The following LMX1B variants were observed in gnomAD, a reference collection of about 807,000 sequenced individuals.
LMX1B encodes the protein LIM homeobox transcription factor 1-beta.
LMX1B carries 12 observed loss-of-function variants against 51.4 expected under a neutral mutation model. The observed-to-expected ratio is 0.23, with a 90% CI of 0.15 to 0.38. LMX1B has a LOEUF of 0.38. LMX1B is among the 10% of genes least tolerant of loss of function. LMX1B has a pLI of 1.00. For synonymous variants in LMX1B, 237 were observed against 235.4 expected, an observed-to-expected ratio of 1.01 and a Z score of -0.06; for missense variants, 445 against 571.1, an observed-to-expected ratio of 0.78 and a Z score of 2.25.
intron 7 of LMX1B, 22 bp downstream of exon 7, chr9:126,696,025 C>G (rs777876744): frequency 4.4e-6 from 6 of 1,355,242 alleles, no homozygotes; most frequent in Middle Eastern, 2.8e-4. Context: ...TACCCCCACC[C>G]GCCCGCCCCA....
rs190548117 is a variant in LMX1B, at chr9:126,660,676, A to G, written c.327-30160A>G. On this transcript the variant is annotated intron_variant, in intron 2 of 7. Transcript: ENST00000373474. ...TGGTAAACCCATAGAAGAGCTTGGA[A>G]TCCATGTGAGGGGGATTGCAAAGGC... Among the ~76,000 whole-genome samples, 10 of 152,280 alleles carry G rather than the reference A, an allele frequency of 6.6e-5. No homozygotes were observed. The East Asian group carries it at 1.9e-3, about 29-fold the overall frequency.
intron 2 of LMX1B, among the ~76,000 whole-genome samples, chr9:126,669,583 G>A (rs1836412503): frequency 6.6e-6 from 1 of 152,148 alleles, no homozygotes; most frequent in Admixed American, 6.5e-5. Context: ...TCACATTCAC[G>A]TGTGTGAGTG....
At chr9:126,653,284 A>C (rs1364455090) in intron 2 of LMX1B, among the ~76,000 whole-genome samples, 3 of 150,554 alleles carry the variant, frequency 2.0e-5, no homozygotes, top group African/African-American at 7.3e-5. Flanking sequence ...ACCCCCGATG[A>C]GCTGGGACTA....
chr9:126,668,978 A>G (rs1201062092), intron 2 of LMX1B, among the ~76,000 whole-genome samples: 1 of 152,230 alleles, frequency 6.6e-6, no homozygotes, highest in Non-Finnish European at 1.5e-5. Flanking sequence ...TGACTGGGTG[A>G]GGAAACTGAG....
chr9:126,678,335 A>AAAAAAAAAAAAAAAAAAC lies in LMX1B; in HGVS notation c.327-12495_327-12494insAAAAAAAAAAACAAAAAA, dbSNP rs1836610286. Among the ~76,000 whole-genome samples, 2 of 141,318 alleles carry AAAAAAAAAAAAAAAAAAC rather than the reference A, an allele frequency of 1.4e-5. 1 individual carries two copies. Among genetic ancestry groups the AAAAAAAAAAAAAAAAAAC allele is most frequent in the African/African-American group, 5.6e-5 (2 of 35,632 alleles). The allele number at this position is 141,318 out of a possible 152,430, so 92.7% of individuals were successfully genotyped here. A position where few individuals can be genotyped will look rare whatever the true frequency, so the allele number is the denominator to read the frequency against. ...AAAAAAAAAAAACAAAAAACAAAAA[A>AAAAAAAAAAAAAAAAAAC]AAAAAACAAAAAGACTGCGGAGAAG... is the stretch of plus-strand genomic sequence containing the variant. On this transcript the variant is annotated intron_variant, in intron 2 of 7. Transcript: ENST00000373474.
At chr9:126,690,437 T>C (rs1163686916) in intron 2 of LMX1B, among the ~76,000 whole-genome samples, 1 of 151,934 alleles carries the variant, frequency 6.6e-6, no homozygotes, top group African/African-American at 2.4e-5. Flanking sequence ...GATGTGTTGG[T>C]GAGGGAGGAT....
intron 2 of LMX1B, among the ~76,000 whole-genome samples, chr9:126,616,003 A>G (rs1030695521): frequency 3.3e-5 from 5 of 152,314 alleles, no homozygotes; most frequent in Non-Finnish European, 5.9e-5. Context: ...GCCAGGAGCC[A>G]GGAGGTGGAG....
chr9:126,664,956 C>G (rs1025989998), intron 2 of LMX1B, among the ~76,000 whole-genome samples: 1 of 152,244 alleles, frequency 6.6e-6, no homozygotes, highest in Non-Finnish European at 1.5e-5. Flanking sequence ...CTCAGTTTCT[C>G]TACCTACGAA....
At chr9:126,652,151 C>T (rs1027917878) in intron 2 of LMX1B, among the ~76,000 whole-genome samples, 1 of 152,130 alleles carries the variant, frequency 6.6e-6, no homozygotes, top group African/African-American at 2.4e-5. Context: ...GCAGCTCTCC[C>T]GATTGAAACC....
At chr9:126,621,177 G>A (rs1172736311) in intron 2 of LMX1B, among the ~76,000 whole-genome samples, 2 of 152,224 alleles carry the variant, frequency 1.3e-5, no homozygotes, top group Non-Finnish European at 2.9e-5. Context: ...TACTCTCACC[G>A]ACATGAGTTA....
chr9:126,655,663 A>T (rs1836103173), intron 2 of LMX1B, among the ~76,000 whole-genome samples: 1 of 152,244 alleles, frequency 6.6e-6, no homozygotes, highest in South Asian at 2.1e-4. Flanking sequence ...TGGGTGAATC[A>T]CTTTGCTAAG....
chr9:126,681,652 A>G (rs936579904), intron 2 of LMX1B, among the ~76,000 whole-genome samples: 3 of 151,982 alleles, frequency 2.0e-5, no homozygotes, highest in Non-Finnish European at 2.9e-5. Context: ...TGTAATTCCA[A>G]CACTTTGGGA....
intron 2 of LMX1B, among the ~76,000 whole-genome samples, chr9:126,631,971 A>C (rs370994844): frequency 1.3e-5 from 2 of 152,258 alleles, no homozygotes; most frequent in African/African-American, 4.8e-5. Flanking sequence ...ATTGGGTCTT[A>C]GCTAGAAAAG....
intron 2 of LMX1B, among the ~76,000 whole-genome samples, chr9:126,688,757 A>C (rs1174000204): frequency 2.0e-5 from 3 of 152,204 alleles, no homozygotes; most frequent in Admixed American, 2.0e-4. Context: ...CATGCCCTGC[A>C]GGCTGGTGGG....
Position 126,698,340 on chromosome 9 carries a change from C to T in LMX1B, c.*1889C>T, listed in dbSNP as rs1195692433. The T allele has an allele frequency of 6.6e-6, 1 of 152,438 alleles. No homozygotes were observed. Among genetic ancestry groups the T allele is most frequent in the African/African-American group, 2.4e-5 (1 of 41,484 alleles). 9.4% of individuals were successfully genotyped at this position (152,438 alleles called of 1,614,324 possible). The stretch of plus-strand genomic sequence containing the variant: ...CCAGTGAGGAGTTGGCCCTGGGTCT[C>T]ACCTGAGGTGTGTGGACCGGGCTGG... On this transcript the variant is annotated 3_prime_UTR_variant, in exon 8 of 8. Coordinates refer to ENST00000373474, the MANE Select transcript of LMX1B (RefSeq NM_001174147.2).
intron 2 of LMX1B, among the ~76,000 whole-genome samples, chr9:126,631,202 G>A (rs917527303): frequency 1.3e-5 from 2 of 152,254 alleles, no homozygotes; most frequent in Non-Finnish European, 2.9e-5. Flanking sequence ...GCCAGTCCCC[G>A]AGGTGCCATC....
rs1004457528 is a variant in LMX1B, at chr9:126,654,763, G to A, written c.327-36073G>A. On this transcript the variant is annotated intron_variant, in intron 2 of 7. Coordinates refer to ENST00000373474, the MANE Select transcript of LMX1B (RefSeq NM_001174147.2). The stretch of plus-strand genomic sequence containing the variant: ...CTGAGCATGCCACGGAGAGCCAGGT[G>A]GGCCCATGAGAAGAGGAGAGGGTAG... 2.0e-5 allele frequency among the ~76,000 whole-genome samples: 3 copies of A among 152,192 alleles called. No individual in the cohort carries two copies. In the South Asian group the frequency reaches 6.2e-4, roughly 31 times the overall value.
chr9:126,630,264 G>A (rs563788215), intron 2 of LMX1B, among the ~76,000 whole-genome samples: 1 of 152,062 alleles, frequency 6.6e-6, no homozygotes, highest in Admixed American at 6.5e-5. Context: ...CACAGCCAGT[G>A]GGGGGCTATG....
intron 2 of LMX1B, among the ~76,000 whole-genome samples, chr9:126,631,942 G>C (rs1405772252): frequency 6.6e-6 from 1 of 152,068 alleles, no homozygotes; most frequent in Non-Finnish European, 1.5e-5. Flanking sequence ...CTCAAAGGGG[G>C]CCACCTTTGA....
Sources: gnomAD v4.1 joint callset for allele counts (sites outside exome capture counted in the v4.1 genomes callset) on GRCh38, gnomAD v4.1.1 for gene constraint, MANE v1.5 for transcripts, NCBI Gene and HGNC (gene_info 2026-07-23, HGNC 2026-07-21) for gene names.